Variants in SETBP1 observed in about 807,000 individuals in gnomAD.
SETBP1 encodes SET-binding protein.
SETBP1 carries 9 observed loss-of-function variants against 101.0 expected under a neutral mutation model. The ratio of observed to expected loss-of-function variants is 0.09; its 90% CI spans 0.05 to 0.16. The LOEUF (loss-of-function observed/expected upper bound fraction) is 0.16, where lower values mean the gene tolerates loss of function less well. Ranked by LOEUF, SETBP1 falls within the 10% of genes least tolerant of loss-of-function variation. The probability of loss-of-function intolerance (pLI) is 1.00; values close to 1 mark genes in which losing one functional copy is unlikely to be tolerated. For missense variants in SETBP1, 1,858 were observed against 2,033.8 expected (o/e 0.91, Z 1.66); for synonymous variants, 818 against 788.5 (o/e 1.04, Z -0.63).
intron 4 of SETBP1, among the ~76,000 whole-genome samples, chr18:45,016,103 G>A (rs537150566): frequency 6.6e-6 from 1 of 152,310 alleles, no homozygotes; most frequent in Non-Finnish European, 1.5e-5. Context: ...TGATAGAGCT[G>A]ACCAGCTACT....
intron 4 of SETBP1, among the ~76,000 whole-genome samples, chr18:45,025,837 T>A (rs1016861522): frequency 1.3e-5 from 2 of 152,222 alleles, no homozygotes; most frequent in African/African-American, 4.8e-5. Context: ...GCCAAACTTC[T>A]ACAGATATGT....
intron 4 of SETBP1, among the ~76,000 whole-genome samples, chr18:45,011,896 C>T (rs546218171): frequency 1.3e-5 from 2 of 152,232 alleles, no homozygotes; most frequent in Admixed American, 6.5e-5. Context: ...GACTTTGTAC[C>T]TGGTAGCTCT....
At chr18:44,900,788 A>C (rs2070026164) in intron 3 of SETBP1, among the ~76,000 whole-genome samples, 1 of 152,146 alleles carries the variant, frequency 6.6e-6, no homozygotes, top group African/African-American at 2.4e-5. Context: ...ACCGCTGGGT[A>C]AGGGAACTAA....
intron 2 of SETBP1, among the ~76,000 whole-genome samples, chr18:44,793,404 A>G (rs1260851406): frequency 6.6e-6 from 1 of 152,190 alleles, no homozygotes; most frequent in East Asian, 1.9e-4. Context: ...GGGGAATTCT[A>G]ATTTCCAGCC....
chr18:44,902,318 C>A (rs1235067558), intron 3 of SETBP1, among the ~76,000 whole-genome samples: 1 of 152,062 alleles, frequency 6.6e-6, no homozygotes, highest in African/African-American at 2.4e-5. Context: ...TTAACCAGCA[C>A]CTGTGTTAAA....
At chr18:44,963,533 A>T (rs1035170625) in intron 4 of SETBP1, among the ~76,000 whole-genome samples, 2 of 152,120 alleles carry the variant, frequency 1.3e-5, no homozygotes, top group African/African-American at 4.8e-5. Context: ...TGTTTTTTTT[A>T]ATTACAATTT....
intron 2 of SETBP1, among the ~76,000 whole-genome samples, chr18:44,746,603 T>C (rs890786497): frequency 6.6e-6 from 1 of 152,244 alleles, no homozygotes; most frequent in Admixed American, 6.5e-5. Context: ...TCCCCCATAA[T>C]GTTTAGCTTA....
At chr18:45,020,404 G>T (rs908663632) in intron 4 of SETBP1, among the ~76,000 whole-genome samples, 2 of 151,638 alleles carry the variant, frequency 1.3e-5, no homozygotes, top group African/African-American at 4.8e-5. Flanking sequence ...GGACCTAACT[G>T]GGTTCTCCAG....
chr18:44,787,889 T>C (rs1343583703), intron 2 of SETBP1, among the ~76,000 whole-genome samples: 2 of 114,472 alleles, frequency 1.7e-5, no homozygotes, highest in African/African-American at 6.4e-5. Context: ...AAGAAAATTG[T>C]TCTCTAAGGA....
At chr18:44,690,352 C>T (rs982701045) in intron 1 of SETBP1, among the ~76,000 whole-genome samples, 3 of 152,156 alleles carry the variant, frequency 2.0e-5, no homozygotes, top group African/African-American at 4.8e-5. Flanking sequence ...CAAACATATA[C>T]GTGCCAGATT....
chr18:44,830,140 T>C (rs2072328722), intron 2 of SETBP1, among the ~76,000 whole-genome samples: 1 of 152,192 alleles, frequency 6.6e-6, no homozygotes, highest in African/African-American at 2.4e-5. Context: ...GTAGAACTTA[T>C]TGGAATCTTT....
intron 2 of SETBP1, among the ~76,000 whole-genome samples, chr18:44,741,557 T>C (rs532982701): frequency 6.6e-6 from 1 of 152,166 alleles, no homozygotes; most frequent in South Asian, 2.1e-4. Flanking sequence ...TTTATGACGG[T>C]CATTGTTTTA....
intron 1 of SETBP1, among the ~76,000 whole-genome samples, chr18:44,692,851 A>G (rs918086077): frequency 6.6e-6 from 1 of 152,216 alleles, no homozygotes; most frequent in African/African-American, 2.4e-5. Context: ...AGTAATGCCC[A>G]TCAGTGGGAC....
At chr18:44,963,899 C>CAAAAAAAA (rs59077847) in intron 4 of SETBP1, among the ~76,000 whole-genome samples, 9 of 41,610 alleles carry the variant, frequency 2.2e-4, no homozygotes, top group African/African-American at 4.6e-4. Flanking sequence ...GACCCCATCT[C>CAAAAAAAA]AAAAAAAAAA....
intron 3 of SETBP1, among the ~76,000 whole-genome samples, chr18:44,933,279 C>T (rs1026834277): frequency 7.2e-5 from 11 of 152,230 alleles, no homozygotes; most frequent in African/African-American, 2.4e-4. Flanking sequence ...TATTGCACAA[C>T]GGCAGATGTT....
At chr18:44,754,954 G>A (rs2070460545) in intron 2 of SETBP1, among the ~76,000 whole-genome samples, 1 of 152,192 alleles carries the variant, frequency 6.6e-6, no homozygotes, top group Admixed American at 6.5e-5. Context: ...GGTTGGTATT[G>A]ATTTGCTAAT....
intron 4 of SETBP1, among the ~76,000 whole-genome samples, chr18:45,001,975 C>A (rs1008777138): frequency 6.6e-6 from 1 of 152,074 alleles, no homozygotes; most frequent in Admixed American, 6.6e-5. Flanking sequence ...ATCCAAGGCT[C>A]CCCCACCAAA....
rs560169787 is a variant in SETBP1 at position 44,740,598 on chromosome 18, C to T, written c.486+38766C>T. 2.5e-4 allele frequency among the ~76,000 whole-genome samples: 38 copies of T among 152,296 alleles called. 1 individual carries two copies. The South Asian group carries it at 6.8e-3, about 27-fold the overall frequency. ...TAAGGTGAAATGATGCAGTTCAACT[C>T]TCTGATCCTGTGCTTTTCCATACAT... is the stretch of plus-strand genomic sequence containing the variant. On this transcript the variant is annotated intron_variant, in intron 2 of 5. Transcript: ENST00000649279.
chr18:44,881,342 G>A (rs997674432), intron 3 of SETBP1, among the ~76,000 whole-genome samples: 1 of 152,172 alleles, frequency 6.6e-6, no homozygotes. Flanking sequence ...CTAAGGCAGG[G>A]GTGGGTAAGA....
Sources: gnomAD v4.1 joint callset for allele counts (sites outside exome capture counted in the v4.1 genomes callset) on GRCh38, gnomAD v4.1.1 for gene constraint, MANE v1.5 for transcripts, NCBI Gene and HGNC (gene_info 2026-07-23, HGNC 2026-07-21) for gene names.